The following SLC3A2 variants were observed in gnomAD, a reference collection of about 807,000 sequenced individuals.
SLC3A2 encodes the protein amino acid transporter heavy chain SLC3A2.
Under a neutral mutation model 48.5 loss-of-function variants are expected in SLC3A2, and 32 were observed. That is an observed-to-expected ratio of 0.66 (90% CI 0.50 to 0.89). The LOEUF (loss-of-function observed/expected upper bound fraction) is 0.89, where lower values mean the gene tolerates loss of function less well. Among genes scored for constraint, SLC3A2 ranks in the 40% least tolerant of loss-of-function variants. The probability of loss-of-function intolerance (pLI) is 0.00; values close to 1 mark genes in which losing one functional copy is unlikely to be tolerated. For synonymous variants in SLC3A2, 277 were observed against 288.8 expected (o/e 0.96, Z 0.41); for missense variants, 587 against 680.7 (o/e 0.86, Z 1.53).
chr11:62,866,271 C>T (rs867000525), intron 1 of SLC3A2, among the ~76,000 whole-genome samples: 1 of 151,940 alleles, frequency 6.6e-6, no homozygotes, highest in Non-Finnish European at 1.5e-5. Flanking sequence ...GTGCCTGCCG[C>T]CATCCCCAGC....
Position 62,885,569 on chromosome 11 carries a change from GGATGA to G in SLC3A2, c.1108_1112del (p.Glu370TrpfsTer21). On this transcript the variant is annotated frameshift_variant, in exon 7 of 9. Transcript: ENST00000338663. LOFTEE classifies it high-confidence loss of function. ...CAGGGACCCCTGTTTTCAGCTACGG[GGATGA>G]GATTGGCCTGGATGCAGCTGCCCTT... 6.2e-7 allele frequency: 1 copy of G among 1,614,176 alleles called. No homozygotes were observed. The highest frequency in any genetic ancestry group is 8.5e-7 in the Non-Finnish European group (1 of 1,180,026).
At chr11:62,887,227 G>T (rs2085726332) in intron 7 of SLC3A2, among the ~76,000 whole-genome samples, 2 of 152,142 alleles carry the variant, frequency 1.3e-5, no homozygotes, top group Admixed American at 1.3e-4. Context: ...AAGGAGCCTA[G>T]AGACTAGGGG....
At chr11:62,873,684 T>C (rs2085541392) in intron 1 of SLC3A2, among the ~76,000 whole-genome samples, 1 of 152,176 alleles carries the variant, frequency 6.6e-6, no homozygotes, top group Non-Finnish European at 1.5e-5. Context: ...TACGTGGCCC[T>C]GTCTGGTCTC....
chr11:62,871,779 T>A, intron 1 of SLC3A2: 1 of 392,616 alleles, frequency 2.5e-6, no homozygotes, highest in Non-Finnish European at 4.5e-6. Flanking sequence ...CCTTTTCTCT[T>A]GCACATGAAT....
intron 1 of SLC3A2, among the ~76,000 whole-genome samples, chr11:62,871,839 T>C (rs992192886): frequency 2.0e-5 from 3 of 152,086 alleles, no homozygotes; most frequent in Admixed American, 6.6e-5. Flanking sequence ...AGATTTGTAT[T>C]AGAATTGCAT....
chr11:62,883,049 C>T, intron 3 of SLC3A2, 50 bp downstream of exon 3: 1 of 1,547,956 alleles, frequency 6.5e-7, no homozygotes, highest in South Asian at 1.1e-5. Flanking sequence ...GGGGCTGGGA[C>T]AGTCCTTTCA....
intron 7 of SLC3A2, among the ~76,000 whole-genome samples, chr11:62,887,103 TC>T (rs1354625836): frequency 6.6e-6 from 1 of 152,118 alleles, no homozygotes; most frequent in East Asian, 1.9e-4. Context: ...ATAATTTCTG[TC>T]TGTTACACTG....
At chr11:62,874,009 A>G (rs1590627005) in intron 1 of SLC3A2, among the ~76,000 whole-genome samples, 7 of 102,056 alleles carry the variant, frequency 6.9e-5, no homozygotes, top group Admixed American at 1.2e-4. Flanking sequence ...TTTTTTTTGG[A>G]GAAAGAGTCT....
At position 62,885,376 on chromosome 11, in the gene SLC3A2, G is replaced by C. The variant is rs999722549; in HGVS notation, c.999+19G>C. 1.1e-5 allele frequency: 17 copies of C among 1,613,980 alleles called. No homozygotes were observed. The highest frequency in any genetic ancestry group is 1.7e-5 in the Admixed American group (1 of 60,004). ...CTGGAGTGTGAGTACCATGCTGGTG[G>C]GAAAGGGGGCAGATGGGAGAAGAAA... On this transcript the variant is annotated intron_variant, in intron 6 of 8. Coordinates refer to ENST00000338663, the MANE Select transcript of SLC3A2 (RefSeq NM_001013251.3).
At chr11:62,858,498 C>T (rs2085362612) in intron 1 of SLC3A2, among the ~76,000 whole-genome samples, 1 of 152,130 alleles carries the variant, frequency 6.6e-6, no homozygotes, top group Non-Finnish European at 1.5e-5. Flanking sequence ...GGGCGGATCA[C>T]CTGAGGTCAG....
chr11:62,870,058 A>G (rs2085495116), intron 1 of SLC3A2, among the ~76,000 whole-genome samples: 1 of 151,964 alleles, frequency 6.6e-6, no homozygotes, highest in South Asian at 2.1e-4. Flanking sequence ...TGGTCTCCCA[A>G]AGTGCTGGGA....
chr11:62,867,322 C>CTTTTTTTTTTTTTTTTT (rs56758000), intron 1 of SLC3A2, among the ~76,000 whole-genome samples: 1 of 67,642 alleles, frequency 1.5e-5, no homozygotes, highest in African/African-American at 5.1e-5. Context: ...CTTTTCTTTT[C>CTTTTTTTTTTTTTTTTT]TTTTTTTTTT....
chr11:62,879,020 C>G (rs148763054), upstream of SLC3A2, among the ~76,000 whole-genome samples: 2,745 of 150,970 alleles, frequency 0.018, 78 homozygotes, highest in African/African-American at 0.062. Context: ...TTATCCGCCA[C>G]CCTCAGCCTC....
At chr11:62,887,587 C>A (rs2085730908) in intron 7 of SLC3A2, among the ~76,000 whole-genome samples, 1 of 151,568 alleles carries the variant, frequency 6.6e-6, no homozygotes, top group Admixed American at 6.6e-5. Flanking sequence ...CACCTATGGT[C>A]AGCTACTGGG....
chr11:62,870,338 C>T (rs1169172954), intron 1 of SLC3A2, among the ~76,000 whole-genome samples: 1 of 151,774 alleles, frequency 6.6e-6, no homozygotes, highest in Non-Finnish European at 1.5e-5. Flanking sequence ...TGCGTCACCA[C>T]GCCCAGCTAA....
chr11:62,880,895 CA>C lies in SLC3A2; in HGVS notation c.-128del. On this transcript the variant is annotated 5_prime_UTR_variant, in exon 1 of 9. Transcript: ENST00000338663. ...CCCAGAGGCCGCGCCTGCTGCTGAG[CA>C]GATGCAGTAGCCGAAACTGCGCGGA... is the stretch of plus-strand genomic sequence containing the variant. 7.0e-7 allele frequency: 1 copy of C among 1,437,854 alleles called. No homozygotes were observed. The highest frequency in any genetic ancestry group is 9.1e-7 in the Non-Finnish European group (1 of 1,094,776). 89.1% of individuals were successfully genotyped at this position (1,437,854 alleles called of 1,614,324 possible). A position where few individuals can be genotyped will look rare whatever the true frequency, so the allele number is the denominator to read the frequency against.
upstream of SLC3A2, chr11:62,880,723 G>C: frequency 8.1e-6 from 3 of 372,138 alleles, no homozygotes; most frequent in South Asian, 4.7e-5. Context: ...TTTAGGGTTA[G>C]ACAGGTTGGA....
intron 1 of SLC3A2, among the ~76,000 whole-genome samples, chr11:62,875,495 C>G (rs1424647004): frequency 6.6e-6 from 1 of 152,146 alleles, no homozygotes; most frequent in African/African-American, 2.4e-5. Flanking sequence ...GAGATCGCAC[C>G]ACTGTACTCC....
intron 1 of SLC3A2, among the ~76,000 whole-genome samples, chr11:62,870,098 C>G (rs909966217): frequency 1.3e-5 from 2 of 150,754 alleles, no homozygotes; most frequent in Admixed American, 1.3e-4. Flanking sequence ...CACCTGGCCT[C>G]TTTTGTTTCT....
Sources: allele counts gnomAD v4.1 joint callset (sites outside exome capture counted in the v4.1 genomes callset), GRCh38; gene constraint gnomAD v4.1.1; transcripts MANE v1.5; gene names NCBI Gene and HGNC (gene_info 2026-07-23, HGNC 2026-07-21).